Variants in S100PBP observed in about 807,000 individuals in gnomAD.
The protein encoded by S100PBP is S100P binding protein.
S100PBP carries 15 observed loss-of-function variants against 39.9 expected under a neutral mutation model. The ratio of observed to expected loss-of-function variants is 0.38; its 90% CI spans 0.25 to 0.58. The LOEUF (loss-of-function observed/expected upper bound fraction) is 0.58. S100PBP is among the 20% of genes least tolerant of loss of function. The pLI, the probability that S100PBP is intolerant of heterozygous loss-of-function variation, is 0.70. For synonymous variants in S100PBP, 178 were observed against 180.3 expected (o/e 0.99, Z 0.10); for missense variants, 504 against 487.3 (o/e 1.03, Z -0.32).
intron 5 of S100PBP, among the ~76,000 whole-genome samples, chr1:32,831,986 A>G (rs1464323742): frequency 6.6e-6 from 1 of 152,176 alleles, no homozygotes; most frequent in African/African-American, 2.4e-5. Flanking sequence ...TACCACAACA[A>G]TCTATATCCC....
chr1:32,826,318 T>A lies in S100PBP; in HGVS notation c.219T>A (p.Ser73=), dbSNP rs779387839. Residue 73 remains serine, a synonymous_variant, in exon 3 of 7, where the codon TCT becomes TCA. Transcript: ENST00000373475. ...KEDDPSYEQS[S]GEDDGGHVEK... ...ATGACCCATCATATGAGCAGTCTTC[T>A]GGGGAAGATGATGGTGGGCATGTTG... 1.9e-6 allele frequency: 3 copies of A among 1,613,956 alleles called. No individual in the cohort carries two copies. Among genetic ancestry groups the A allele is most frequent in the African/African-American group, 2.7e-5 (2 of 74,896 alleles).
At chr1:32,839,758 C>T (rs1366804341) in intron 5 of S100PBP, among the ~76,000 whole-genome samples, 1 of 152,160 alleles carries the variant, frequency 6.6e-6, no homozygotes, top group African/African-American at 2.4e-5. Context: ...TATCCTCCCA[C>T]CCCAGCCTCT....
Position 32,840,886 on chromosome 1 carries a change from C to T in S100PBP, c.1024+10819C>T, listed in dbSNP as rs905111571. On this transcript the variant is annotated intron_variant, in intron 5 of 6. Transcript: ENST00000373475. ...AAAAATTGGATTATTTTCGGCCAGG[C>T]GCGGTGGCTCAAGCCTGTAATCCCA... 4.0e-5 allele frequency among the ~76,000 whole-genome samples: 6 copies of T among 151,632 alleles called. No individual in the cohort carries two copies. In the South Asian group the frequency reaches 6.3e-4, roughly 16 times the overall value.
At chr1:32,821,681 C>G (rs1307181173) in intron 1 of S100PBP, among the ~76,000 whole-genome samples, 3 of 149,616 alleles carry the variant, frequency 2.0e-5, no homozygotes, top group Non-Finnish European at 4.4e-5. Context: ...GTCACCCAGG[C>G]TGGAGTGTAG....
At chr1:32,839,659 C>A (rs1424018259) in intron 5 of S100PBP, among the ~76,000 whole-genome samples, 3 of 152,098 alleles carry the variant, frequency 2.0e-5, no homozygotes, top group Non-Finnish European at 4.4e-5. Flanking sequence ...TACAGGTGCA[C>A]ACCACCATGC....
chr1:32,823,055 C>T (rs1424716765), intron 1 of S100PBP, among the ~76,000 whole-genome samples: 1 of 152,196 alleles, frequency 6.6e-6, no homozygotes, highest in Non-Finnish European at 1.5e-5. Context: ...ACCTGGGTTT[C>T]GATCCTTGTT....
chr1:32,822,074 T>C (rs534138705), intron 1 of S100PBP, among the ~76,000 whole-genome samples: 2 of 152,258 alleles, frequency 1.3e-5, no homozygotes, highest in South Asian at 2.1e-4. Context: ...AAAAAAAATA[T>C]GACATAAGAT....
chr1:32,826,188 A>G lies in S100PBP; in HGVS notation c.89A>G (p.Asp30Gly), dbSNP rs190004016. ...DGAPFSWDSL[D>G]EDGLDDSLLE... ...GCCCCATTTTCTTGGGATTCCTTGG[A>G]TGAGGATGGATTGGATGACTCCTTG... The change falls in exon 3 of 7, where the codon GAT (aspartate) becomes GGT (glycine). Residue 30 changes from aspartate to glycine, a missense_variant. Physicochemically the swap from Asp to Gly is moderately conservative, Grantham distance 94. Transcript: ENST00000373475. 16 of 1,614,062 alleles carry G rather than the reference A, an allele frequency of 9.9e-6. No individual in the cohort carries two copies. The East Asian group carries it at 1.6e-4, about 16-fold the overall frequency.
At chr1:32,829,771 C>T (rs1639509622) in intron 4 of S100PBP, among the ~76,000 whole-genome samples, 193 bp from the exon 5 acceptor site, 1 of 152,176 alleles carries the variant, frequency 6.6e-6, no homozygotes, top group Admixed American at 6.5e-5. Context: ...TCTTCTTTTT[C>T]TCTTGATTCC....
rs758356686 is a variant in S100PBP, at chr1:32,826,194, A to G, written c.95A>G (p.Asp32Gly). ...TTTTCTTGGGATTCCTTGGATGAGG[A>G]TGGATTGGATGACTCCTTGCTGGAG... ...APFSWDSLDE[D>G]GLDDSLLELS... is the part of the protein sequence containing the mutation. The change falls in exon 3 of 7, where the codon GAT becomes GGT. Residue 32 changes from aspartate (D) to glycine (G), a missense_variant. Asp to Gly is a moderately conservative substitution (Grantham distance 94). Transcript: ENST00000373475. The G allele has an allele frequency of 1.2e-6, 2 of 1,613,976 alleles. No homozygotes were observed. The highest frequency in any genetic ancestry group is 1.7e-5 in the Admixed American group (1 of 59,978).
intron 5 of S100PBP, among the ~76,000 whole-genome samples, chr1:32,838,918 A>G (rs1345176230): frequency 3.9e-5 from 6 of 151,912 alleles, no homozygotes; most frequent in Non-Finnish European, 7.4e-5. Context: ...AGCCATCACC[A>G]TATCCATTTC....
Position 32,858,513 on chromosome 1 carries a change from C to CT in S100PBP, c.*2479dup. 6.6e-6 allele frequency: 1 copy of CT among 152,596 alleles called. No individual in the cohort carries two copies. The highest frequency in any genetic ancestry group is 2.1e-4 in the South Asian group (1 of 4,830). The allele number at this position is 152,596 out of a possible 1,614,324, so 9.5% of individuals were successfully genotyped here. ...TGGGTAGAATCTGGAGTTTTCATCT[C>CT]TTTTCAAAGCTGCATATCTCTTATA... On this transcript the variant is annotated 3_prime_UTR_variant, in exon 7 of 7. Coordinates refer to ENST00000373475, the MANE Select transcript of S100PBP (RefSeq NM_022753.4).
chr1:32,821,952 G>C (rs77873380), intron 1 of S100PBP, among the ~76,000 whole-genome samples: 4,150 of 152,132 alleles, frequency 0.027, 118 homozygotes, highest in African/African-American at 0.073. Flanking sequence ...TTTTAATAAA[G>C]TAATTGCAGG....
At chr1:32,835,537 C>T (rs1470801300) in intron 5 of S100PBP, 2 of 152,114 alleles carry the variant, frequency 1.3e-5, no homozygotes, top group Non-Finnish European at 2.9e-5. Context: ...ATCTAAAACT[C>T]TATACCTACA....
Position 32,856,080 on chromosome 1 carries a change from C to A in S100PBP, c.*42C>A. ...AGCAATGAAGGTCCCTATCCAGGGT[C>A]CTGCTTGGAGCAGCATTTCATGTTC... On this transcript the variant is annotated 3_prime_UTR_variant, in exon 7 of 7. Coordinates refer to ENST00000373475, the MANE Select transcript of S100PBP (RefSeq NM_022753.4). 1 of 1,283,586 alleles carries A rather than the reference C, an allele frequency of 7.8e-7. No individual in the cohort carries two copies. The highest frequency in any genetic ancestry group is 1.2e-5 in the South Asian group (1 of 83,270). The allele number at this position is 1,283,586 out of a possible 1,614,324, so 79.5% of individuals were successfully genotyped here. A position where few individuals can be genotyped will look rare whatever the true frequency, so the allele number is the denominator to read the frequency against.
At chr1:32,830,135 T>TG in intron 5 of S100PBP, 68 bp downstream of exon 5, 1 of 941,252 alleles carries the variant, frequency 1.1e-6, no homozygotes, top group Non-Finnish European at 1.7e-6. Flanking sequence ...GTGTAACAGC[T>TG]TAAACTGGGA....
At chr1:32,845,258 C>G (rs1640314025) in intron 5 of S100PBP, among the ~76,000 whole-genome samples, 1 of 152,066 alleles carries the variant, frequency 6.6e-6, no homozygotes, top group African/African-American at 2.4e-5. Flanking sequence ...TGGTCTCGAT[C>G]TCCTGGCCTT....
intron 5 of S100PBP, among the ~76,000 whole-genome samples, chr1:32,831,880 T>C (rs1639615135): frequency 6.6e-6 from 1 of 152,180 alleles, no homozygotes; most frequent in South Asian, 2.1e-4. Context: ...ATTTGGAGCA[T>C]TTAAATAAAA....
intron 1 of S100PBP, chr1:32,818,716 G>T (rs1638885478): frequency 6.6e-6 from 1 of 152,336 alleles, no homozygotes; most frequent in Non-Finnish European, 1.5e-5. Context: ...CCGTCCTGCA[G>T]TGTTTTTAGT....
Sources: allele counts gnomAD v4.1 joint callset (sites outside exome capture counted in the v4.1 genomes callset), GRCh38; gene constraint gnomAD v4.1.1; transcripts MANE v1.5; gene names NCBI Gene and HGNC (gene_info 2026-07-23, HGNC 2026-07-21).